Variants in DCP2 observed in about 807,000 individuals in gnomAD.
The protein encoded by DCP2 is m7GpppN-mRNA hydrolase.
A neutral mutation model predicts 56.1 loss-of-function variants in DCP2; 30 were observed. The observed-to-expected ratio is 0.53, with a 90% confidence interval of 0.40 to 0.73. The LOEUF (loss-of-function observed/expected upper bound fraction) is 0.73. DCP2 is among the 30% of genes least tolerant of loss of function. DCP2 has a pLI of 0.00. For missense variants in DCP2, 533 were observed against 502.7 expected (o/e 1.06, Z -0.58); for synonymous variants, 197 against 163.3 (o/e 1.21, Z -1.57).
In DCP2 at chr5:113,021,691, A is replaced by ATACT. The variant is rs1173682497; in HGVS notation, c.*8212_*8215dup. On this transcript the variant is annotated 3_prime_UTR_variant, in exon 11 of 11. Coordinates refer to ENST00000389063, the MANE Select transcript of DCP2 (RefSeq NM_152624.6). ...TCAAAAGGAGAGTGACTAAGGTGTT[A>ATACT]TACTTACTGTCAAAGTTACTTTGCT... 1.6e-5 allele frequency among the ~76,000 whole-genome samples: 2 copies of ATACT among 127,410 alleles called. No homozygotes were observed. Among genetic ancestry groups the ATACT allele is most frequent in the Non-Finnish European group, 1.8e-5 (1 of 56,302 alleles). The allele number at this position is 127,410 out of a possible 152,430, so 83.6% of individuals were successfully genotyped here. A position where few individuals can be genotyped will look rare whatever the true frequency, so the allele number is the denominator to read the frequency against.
In DCP2 at chr5:112,986,500, A is replaced by AT. The variant is rs1038143963; in HGVS notation, c.205+524dup. 9.0e-3 allele frequency among the ~76,000 whole-genome samples: 1,344 copies of AT among 149,136 alleles called. 23 individuals carry two copies. The highest frequency in any genetic ancestry group is 0.031 in the African/African-American group (1,262 of 40,668). ...CAGGCATGCGCTACCATTCCTGCTA[A>AT]TTTTTTTTTTATGTTTTCTAAAAAT... On this transcript the variant is annotated intron_variant, in intron 2 of 10. Transcript: ENST00000389063.
In DCP2 at chr5:113,003,890, G is replaced by C. The variant is rs949846460; in HGVS notation, c.807-52G>C. 1.0e-5 allele frequency: 16 copies of C among 1,596,420 alleles called. No individual in the cohort carries two copies. The African/African-American group carries it at 2.0e-4, about 20-fold the overall frequency. ...AAATTTAACTATTAAGGTGTTAAAA[G>C]AACTATAAGTGAACATTTTCTGATT... On this transcript the variant is annotated intron_variant, in intron 7 of 10. Transcript: ENST00000389063.
At chr5:113,004,821 T>A (rs937319242) in intron 8 of DCP2, among the ~76,000 whole-genome samples, 5 of 152,102 alleles carry the variant, frequency 3.3e-5, no homozygotes, top group African/African-American at 1.2e-4. Flanking sequence ...TTTTTTTTTT[T>A]TTATTTTAAA....
chr5:113,010,740 T>C lies in DCP2; in HGVS notation c.1048-16T>C. 6.4e-7 allele frequency: 1 copy of C among 1,569,648 alleles called. No individual in the cohort carries two copies. The highest frequency in any genetic ancestry group is 2.3e-5 in the East Asian group (1 of 44,040). On this transcript the variant is annotated splice_polypyrimidine_tract_variant and intron_variant, in intron 9 of 10. Coordinates refer to ENST00000389063, the MANE Select transcript of DCP2 (RefSeq NM_152624.6). ...TTGTATGTGTGTGTGTGTGTGTTTTTTTTTTTTTTAAATAGAAGTGTGAAA... is the reference window on the plus strand; with the variant it reads ...TTGTATGTGTGTGTGTGTGTGTTTTCTTTTTTTTTAAATAGAAGTGTGAAA...
chr5:113,004,850 A>C (rs116555248), intron 8 of DCP2, among the ~76,000 whole-genome samples: 1 of 150,988 alleles, frequency 6.6e-6, no homozygotes, highest in Non-Finnish European at 1.5e-5. Context: ...GGGCTTGGCC[A>C]GGCGTGGTGG....
At chr5:113,005,606 A>G (rs1033428100) in intron 8 of DCP2, among the ~76,000 whole-genome samples, 5 of 152,238 alleles carry the variant, frequency 3.3e-5, no homozygotes, top group African/African-American at 1.2e-4. Context: ...CAATTTCTCA[A>G]ACAGTTAAAC....
Position 113,020,700 on chromosome 5 carries a change from A to G in DCP2, c.*7216A>G, listed in dbSNP as rs1489863687. The G allele has an allele frequency of 6.6e-6, 1 of 152,230 alleles. No individual in the cohort carries two copies. The highest frequency in any genetic ancestry group is 1.5e-5 in the Non-Finnish European group (1 of 68,044). The allele number at this position is 152,230 out of a possible 1,614,324, so 9.4% of individuals were successfully genotyped here. ...TGTTTGCAGGATTACTGTACTTCCA[A>G]AGACCCACTAGAATGTCAGCTGTAC... On this transcript the variant is annotated 3_prime_UTR_variant, in exon 11 of 11. Coordinates refer to ENST00000389063, the MANE Select transcript of DCP2 (RefSeq NM_152624.6).
chr5:112,992,795 A>C, intron 4 of DCP2, 25 bp downstream of exon 4: 1 of 1,541,344 alleles, frequency 6.5e-7, no homozygotes, highest in Non-Finnish European at 8.7e-7. Flanking sequence ...TTTGATACAC[A>C]GTAAATTTGG....
intron 8 of DCP2, 32 bp from the exon 9 acceptor site, chr5:113,007,906 G>T (rs1749514298): frequency 6.3e-7 from 1 of 1,577,782 alleles, no homozygotes; most frequent in Non-Finnish European, 8.7e-7. Flanking sequence ...TTATGCTATA[G>T]ATTCATATTA....
chr5:112,987,452 C>T (rs926590895), intron 2 of DCP2, among the ~76,000 whole-genome samples: 1 of 151,540 alleles, frequency 6.6e-6, no homozygotes, highest in Admixed American at 6.6e-5. Flanking sequence ...ATTTTTATTC[C>T]CCCCGCCCGC....
rs1561697579 is a variant in DCP2, at chr5:113,000,414, A to ACC, written c.433-669_433-668insCC. Among the ~76,000 whole-genome samples the ACC allele has an allele frequency of 5.6e-4, 62 of 110,798 alleles. 1 individual carries two copies. In the East Asian group the frequency reaches 0.018, roughly 31 times the overall value. 72.7% of individuals were successfully genotyped at this position (110,798 alleles called of 152,430 possible). On this transcript the variant is annotated intron_variant, in intron 4 of 10. Transcript: ENST00000389063. ...ACTTGTCTAATACACACACACACACACACACACACACCCACACACCCTACC... is the reference window on the plus strand; with the variant it reads ...ACTTGTCTAATACACACACACACACACCCACACACACACCCACACACCCTACC...
At chr5:112,983,038 T>C (rs1748084057) in intron 1 of DCP2, among the ~76,000 whole-genome samples, 1 of 152,162 alleles carries the variant, frequency 6.6e-6, no homozygotes, top group African/African-American at 2.4e-5. Flanking sequence ...TGGTTATCAG[T>C]GTTGATTAAT....
chr5:112,987,105 A>C (rs949429525), intron 2 of DCP2, among the ~76,000 whole-genome samples: 1 of 152,218 alleles, frequency 6.6e-6, no homozygotes, highest in African/African-American at 2.4e-5. Context: ...ATTCACATGA[A>C]TATTTAACAT....
chr5:113,020,408 G>T lies in DCP2; in HGVS notation c.*6924G>T, dbSNP rs542878659. ...ACTTCAAGGGATTCTGTTCATGGTG[G>T]TATACAGTTCTTGGTGCTCTTTTGG... On this transcript the variant is annotated 3_prime_UTR_variant, in exon 11 of 11. Coordinates refer to ENST00000389063, the MANE Select transcript of DCP2 (RefSeq NM_152624.6). The T allele has an allele frequency of 1.3e-5, 2 of 152,266 alleles. No homozygotes were observed. The highest frequency in any genetic ancestry group is 4.8e-5 in the African/African-American group (2 of 41,556). The allele number at this position is 152,266 out of a possible 1,614,324, so 9.4% of individuals were successfully genotyped here.
At chr5:112,991,741 T>C (rs192888526) in intron 2 of DCP2, among the ~76,000 whole-genome samples, 1 of 152,348 alleles carries the variant, frequency 6.6e-6, no homozygotes, top group East Asian at 1.9e-4. Flanking sequence ...TATATATAAC[T>C]ACCTGGCATT....
At chr5:113,000,733 T>C (rs912191161) in intron 4 of DCP2, among the ~76,000 whole-genome samples, 2 of 152,228 alleles carry the variant, frequency 1.3e-5, no homozygotes, top group African/African-American at 2.4e-5. Context: ...ACCTTCTGTA[T>C]ATAAATGTTA....
chr5:113,000,971 A>C, intron 4 of DCP2, 113 bp from the exon 5 acceptor site: 1 of 1,055,106 alleles, frequency 9.5e-7, no homozygotes, highest in South Asian at 1.7e-5. Context: ...TTCTAGAAAT[A>C]GTAAATACAA....
intron 2 of DCP2, among the ~76,000 whole-genome samples, chr5:112,991,115 C>G (rs1156614573): frequency 6.6e-6 from 1 of 151,902 alleles, no homozygotes; most frequent in Non-Finnish European, 1.5e-5. Context: ...GTACTAGTAC[C>G]AATATGGTCT....
At chr5:112,980,440 T>C (rs1747948932) in intron 1 of DCP2, among the ~76,000 whole-genome samples, 1 of 152,232 alleles carries the variant, frequency 6.6e-6, no homozygotes, top group Non-Finnish European at 1.5e-5. Context: ...ATTGCAATCC[T>C]TGTGCTAATG....
Sources: allele counts gnomAD v4.1 joint callset (sites outside exome capture counted in the v4.1 genomes callset), GRCh38; gene constraint gnomAD v4.1.1; transcripts MANE v1.5; gene names NCBI Gene and HGNC (gene_info 2026-07-23, HGNC 2026-07-21).